Variants in GRK4 observed in about 807,000 individuals in gnomAD.
GRK4 encodes the protein G protein-coupled receptor kinase 2-like.
In GRK4, 73 loss-of-function variants were observed where a neutral mutation model predicts 77.9. That is an observed-to-expected ratio of 0.94 (90% CI 0.78 to 1.14). The LOEUF is 1.14. GRK4 is among the 50% of genes most tolerant of loss of function. The pLI, the probability that GRK4 is intolerant of heterozygous loss-of-function variation, is 0.00. For synonymous variants in GRK4, 257 were observed against 254.4 expected, an observed-to-expected ratio of 1.01 and a Z score of -0.10; for missense variants, 729 against 700.2, an observed-to-expected ratio of 1.04 and a Z score of -0.46.
chr4:3,040,624 G>A lies in GRK4; in HGVS notation c.1736G>A (p.Ter579=), dbSNP rs1272724104. 1 of 1,610,436 alleles carries A rather than the reference G, an allele frequency of 6.2e-7. No homozygotes were observed. Among genetic ancestry groups the A allele is most frequent in the South Asian group, 1.1e-5 (1 of 90,010 alleles). Residue 579 remains the stop codon, a stop_retained_variant, in exon 16 of 16, where the codon TGA becomes TAA. Transcript: ENST00000398052. ...AAGGAAGTGGAACCCAAGCAATGCT[G>A]AGCACCCCGGTGCGGACCACAGAGC... The part of the protein sequence containing the change: ...SEKEVEPKQC[*]
rs747122424 is a variant in GRK4, at chr4:3,019,766, C to T, written c.867C>T (p.Ala289=). The T allele has an allele frequency of 4.0e-5, 64 of 1,613,966 alleles. 1 individual carries two copies. The South Asian group carries it at 4.2e-4, about 11-fold the overall frequency. Residue 289 remains alanine (A), a synonymous_variant, in exon 9 of 16, where the codon GCC becomes GCT. Transcript: ENST00000398052. ...ATCCCGGCTTTGATGAGCAGAGAGC[C>T]GTTTTCTATGCTGCAGAGCTGTGTT... is the stretch of plus-strand genomic sequence containing the variant. ...LGNPGFDEQR[A]VFYAAELCCG... is the part of the protein sequence containing the mutation.
intron 2 of GRK4, among the ~76,000 whole-genome samples, chr4:2,986,341 T>G (rs2109591045): frequency 6.7e-6 from 1 of 149,584 alleles, no homozygotes; most frequent in South Asian, 2.1e-4. Flanking sequence ...TCTTTATATA[T>G]AAAAGGTGTT....
intron 4 of GRK4, among the ~76,000 whole-genome samples, chr4:2,999,383 A>G (rs566774093): frequency 6.6e-6 from 1 of 152,286 alleles, no homozygotes; most frequent in Non-Finnish European, 1.5e-5. Context: ...TGATCTTATC[A>G]CCTTTTTAAA....
At chr4:2,993,298 A>G (rs1321222933) in intron 4 of GRK4, among the ~76,000 whole-genome samples, 1 of 152,196 alleles carries the variant, frequency 6.6e-6, no homozygotes, top group Non-Finnish European at 1.5e-5. Context: ...GACTTCTGTT[A>G]GAAGTCCTCA....
chr4:3,002,528 G>T (rs1236075382), intron 4 of GRK4, among the ~76,000 whole-genome samples: 1 of 152,156 alleles, frequency 6.6e-6, no homozygotes, highest in Non-Finnish European at 1.5e-5. Context: ...GACTTCCAAA[G>T]GATCTCTTGA....
intron 1 of GRK4, among the ~76,000 whole-genome samples, chr4:2,981,848 C>G (rs1722964306): frequency 6.6e-6 from 1 of 152,236 alleles, no homozygotes; most frequent in South Asian, 2.1e-4. Context: ...GTTTGTGTGC[C>G]CTGGCCTGCA....
intron 1 of GRK4, among the ~76,000 whole-genome samples, chr4:2,979,234 A>C (rs1397334592): frequency 6.6e-6 from 1 of 150,914 alleles, no homozygotes. Flanking sequence ...CAAAAAAAAA[A>C]ACAAAAAAAA....
chr4:3,011,750 T>A (rs1347557460), intron 7 of GRK4, among the ~76,000 whole-genome samples: 1 of 152,242 alleles, frequency 6.6e-6, no homozygotes, highest in Non-Finnish European at 1.5e-5. Flanking sequence ...CTTCCTCCAG[T>A]GGGCTTGAGA....
At position 3,020,092 on chromosome 4, in the gene GRK4, C is replaced by T. The variant is rs55909241; in HGVS notation, c.932+261C>T. Among the ~76,000 whole-genome samples the T allele has an allele frequency of 9.3e-3, 1,415 of 152,230 alleles. 19 individuals are homozygous for T. Among genetic ancestry groups the T allele is most frequent in the African/African-American group, 0.033 (1,363 of 41,550 alleles). ...GGAGTGCAATGGCACAATCTCGGCT[C>T]ACTGCAGTTCGAGTGATTCTCCTGC... On this transcript the variant is annotated intron_variant, in intron 9 of 15. Transcript: ENST00000398052.
At chr4:2,981,920 A>G (rs1722984250) in intron 1 of GRK4, among the ~76,000 whole-genome samples, 2 of 152,158 alleles carry the variant, frequency 1.3e-5, no homozygotes, top group African/African-American at 4.8e-5. Context: ...CAAAGTCTGG[A>G]GGGGGCTGAG....
At chr4:2,971,799 A>G (rs996070176) in intron 1 of GRK4, among the ~76,000 whole-genome samples, 1 of 152,180 alleles carries the variant, frequency 6.6e-6, no homozygotes, top group Non-Finnish European at 1.5e-5. Context: ...GCTCGCTGGC[A>G]GTCTCTGGTG....
intron 3 of GRK4, among the ~76,000 whole-genome samples, chr4:2,991,160 G>A (rs914389922): frequency 1.5e-4 from 23 of 152,136 alleles, no homozygotes; most frequent in African/African-American, 4.6e-4. Flanking sequence ...TCTGTAGGGC[G>A]GACCGTCAGA....
intron 3 of GRK4, among the ~76,000 whole-genome samples, chr4:2,991,514 T>C (rs533275129): frequency 1.3e-5 from 2 of 152,258 alleles, no homozygotes; most frequent in East Asian, 3.9e-4. Flanking sequence ...CACTGAAGTT[T>C]GTTTGTTTGT....
intron 7 of GRK4, 96 bp downstream of exon 7, chr4:3,009,807 T>C (rs1365700379): frequency 1.2e-5 from 10 of 808,704 alleles, no homozygotes; most frequent in Non-Finnish European, 1.7e-5. Context: ...GCTCTCCCAG[T>C]ACACTGTTGC....
chr4:2,964,133 G>C lies in GRK4; in HGVS notation c.52+11G>C, dbSNP rs755378365. On this transcript the variant is annotated intron_variant, in intron 1 of 15. Coordinates refer to ENST00000398052, the MANE Select transcript of GRK4 (RefSeq NM_182982.3). ...TGAAAGCGCGTCAAGGTGGGTGCGC[G>C]GCAGGCGCCCCCGACCCCCCCCCCA... 5 of 1,589,992 alleles carry C rather than the reference G, an allele frequency of 3.1e-6. No homozygotes were observed. The South Asian group carries it at 5.7e-5, about 18-fold the overall frequency.
chr4:3,001,263 A>G lies in GRK4; in HGVS notation c.340-2968A>G, dbSNP rs989357676. On this transcript the variant is annotated intron_variant, in intron 4 of 15. Coordinates refer to ENST00000398052, the MANE Select transcript of GRK4 (RefSeq NM_182982.3). The stretch of plus-strand genomic sequence containing the variant: ...TATATATATACATATATGTATATAT[A>G]TGTGTGTATGTATGTATGTATACAC... Among the ~76,000 whole-genome samples the G allele has an allele frequency of 3.4e-4, 32 of 95,020 alleles. 1 individual carries two copies. Among genetic ancestry groups the G allele is most frequent in the African/African-American group, 1.2e-3 (24 of 19,528 alleles). The allele number at this position is 95,020 out of a possible 152,430, so 62.3% of individuals were successfully genotyped here.
chr4:3,014,030 T>C (rs1286089435), intron 8 of GRK4, among the ~76,000 whole-genome samples: 1 of 152,180 alleles, frequency 6.6e-6, no homozygotes, highest in African/African-American at 2.4e-5. Flanking sequence ...TTAGAAAACA[T>C]AGAAGGAGTG....
At chr4:2,971,698 C>T (rs1436023889) in intron 1 of GRK4, among the ~76,000 whole-genome samples, 3 of 152,130 alleles carry the variant, frequency 2.0e-5, no homozygotes, top group African/African-American at 4.8e-5. Context: ...TCTTGGAGGC[C>T]GGAGTGCAAA....
At chr4:3,038,568 T>C (rs1464308834) in intron 15 of GRK4, 55 bp downstream of exon 15, 1 of 1,294,638 alleles carries the variant, frequency 7.7e-7, no homozygotes, top group Non-Finnish European at 1.1e-6. Context: ...AAAAAAAACA[T>C]ACTGACTGCC....
Sources: gnomAD v4.1 joint callset for allele counts (sites outside exome capture counted in the v4.1 genomes callset) on GRCh38, gnomAD v4.1.1 for gene constraint, MANE v1.5 for transcripts, NCBI Gene and HGNC (gene_info 2026-07-23, HGNC 2026-07-21) for gene names.